ARHGEF3: variants seen among roughly 807,000 people sequenced by gnomAD.
The protein encoded by ARHGEF3 is 59.8 kDA protein.
In ARHGEF3, 28 loss-of-function variants were observed where a neutral mutation model predicts 63.2. The ratio of observed to expected loss-of-function variants is 0.44; its 90% CI spans 0.33 to 0.61. ARHGEF3 has a LOEUF of 0.61. Among genes scored for constraint, ARHGEF3 ranks in the 20% least tolerant of loss-of-function variants. The pLI, the probability that ARHGEF3 is intolerant of heterozygous loss-of-function variation, is 0.03. For missense variants in ARHGEF3, 533 were observed against 659.3 expected (o/e 0.81, Z 2.10); for synonymous variants, 266 against 254.2 (o/e 1.05, Z -0.44).
chr3:56,958,797 C>T, intron 3 of ARHGEF3: 1 of 1,542,536 alleles, frequency 6.5e-7, no homozygotes, highest in African/African-American at 1.4e-5. Flanking sequence ...CATTTAACAG[C>T]AGGGGCTACC....
At chr3:56,800,045 C>A (rs1429591668) in intron 1 of ARHGEF3, among the ~76,000 whole-genome samples, 1 of 152,110 alleles carries the variant, frequency 6.6e-6, no homozygotes, top group African/African-American at 2.4e-5. Context: ...TGATAAGTTT[C>A]ATATTTGTGA....
chr3:56,825,037 G>A (rs776627671), intron 4 of ARHGEF3, among the ~76,000 whole-genome samples: 2 of 150,924 alleles, frequency 1.3e-5, no homozygotes, highest in African/African-American at 2.5e-5. Context: ...AGCAGCCCCA[G>A]TCTGGATTCT....
At chr3:56,773,610 G>C in intron 2 of ARHGEF3, 99 bp downstream of exon 2, 2 of 1,013,856 alleles carry the variant, frequency 2.0e-6, no homozygotes, top group Non-Finnish European at 2.8e-6. Flanking sequence ...CATTGATTCA[G>C]GTCACTTTGA....
intron 2 of ARHGEF3, among the ~76,000 whole-genome samples, chr3:56,993,731 G>T (rs1287325008): frequency 1.3e-5 from 2 of 150,956 alleles, no homozygotes; most frequent in African/African-American, 2.4e-5. Context: ...TGTGGAAGGA[G>T]AAATATTCAT....
chr3:56,755,435 G>C (rs925430245), intron 2 of ARHGEF3, among the ~76,000 whole-genome samples: 1 of 152,162 alleles, frequency 6.6e-6, no homozygotes, highest in Admixed American at 6.5e-5. Context: ...ACGCATGAAG[G>C]CAGTTCTTGG....
intron 4 of ARHGEF3, among the ~76,000 whole-genome samples, chr3:56,852,194 C>G (rs557461302): frequency 6.6e-6 from 1 of 152,118 alleles, no homozygotes; most frequent in Non-Finnish European, 1.5e-5. Context: ...TGGGTCATTC[C>G]GGAAAAAATT....
chr3:56,986,731 T>G (rs1685843718), intron 2 of ARHGEF3, among the ~76,000 whole-genome samples: 1 of 148,068 alleles, frequency 6.8e-6, no homozygotes, highest in Non-Finnish European at 1.5e-5. Flanking sequence ...AGGGTAGTAG[T>G]GGGGGTAGTC....
At chr3:56,792,286 G>T (rs1008642542) in intron 1 of ARHGEF3, among the ~76,000 whole-genome samples, 3 of 152,058 alleles carry the variant, frequency 2.0e-5, no homozygotes, top group Admixed American at 6.6e-5. Flanking sequence ...GGTTTAAATT[G>T]GTTATAATGA....
At chr3:56,957,515 C>G (rs1367533092) in intron 3 of ARHGEF3, among the ~76,000 whole-genome samples, 1 of 152,196 alleles carries the variant, frequency 6.6e-6, no homozygotes, top group East Asian at 1.9e-4. Context: ...AGGCACTGTA[C>G]TAGGCCCAGA....
At chr3:57,026,802 T>C (rs1004067207) in intron 2 of ARHGEF3, among the ~76,000 whole-genome samples, 3 of 152,212 alleles carry the variant, frequency 2.0e-5, no homozygotes, top group African/African-American at 7.2e-5. Flanking sequence ...CACTTCTCGA[T>C]TGTGCACTAG....
intron 4 of ARHGEF3, among the ~76,000 whole-genome samples, chr3:56,841,478 C>G (rs1228492342): frequency 1.1e-4 from 16 of 152,144 alleles, no homozygotes. Flanking sequence ...CTTTCTCCAT[C>G]ACGGCAGTCA....
chr3:57,036,984 G>A (rs970527547), intron 1 of ARHGEF3, among the ~76,000 whole-genome samples: 12 of 152,196 alleles, frequency 7.9e-5, no homozygotes, highest in South Asian at 2.1e-4. Context: ...ACCCCAAGGC[G>A]TTAGACAGTC....
At chr3:56,945,811 A>C (rs1280773694) in intron 3 of ARHGEF3, among the ~76,000 whole-genome samples, 1 of 152,206 alleles carries the variant, frequency 6.6e-6, no homozygotes, top group Admixed American at 6.5e-5. Flanking sequence ...TGGAGATCTG[A>C]GAATGGACAG....
At chr3:56,820,361 G>A (rs1340662652) in intron 4 of ARHGEF3, among the ~76,000 whole-genome samples, 2 of 152,130 alleles carry the variant, frequency 1.3e-5, no homozygotes. Flanking sequence ...AGAAAACGGG[G>A]ATAGAGGAAA....
intron 3 of ARHGEF3, among the ~76,000 whole-genome samples, chr3:56,909,513 C>G (rs1560041768): frequency 6.6e-6 from 1 of 152,208 alleles, no homozygotes. Context: ...CAGAAGATCA[C>G]AAGCATTTAA....
intron 2 of ARHGEF3, among the ~76,000 whole-genome samples, chr3:56,971,177 G>T (rs779371240): frequency 6.6e-6 from 1 of 152,086 alleles, no homozygotes; most frequent in Non-Finnish European, 1.5e-5. Context: ...CAATACACAG[G>T]GTAGGCTTCC....
At chr3:57,074,519 T>C (rs903833786) in intron 1 of ARHGEF3, 1 of 509,320 alleles carries the variant, frequency 2.0e-6, no homozygotes, top group African/African-American at 1.9e-5. Flanking sequence ...CTCATACTCT[T>C]AGCCCCCGGG....
chr3:56,939,318 C>G (rs1004331420), intron 3 of ARHGEF3, among the ~76,000 whole-genome samples: 3 of 152,190 alleles, frequency 2.0e-5, no homozygotes, highest in African/African-American at 7.2e-5. Context: ...CAGTTCTCGA[C>G]ATCACCATCT....
Position 56,728,097 on chromosome 3 carries a change from A to T in ARHGEF3, c.*1173T>A, listed in dbSNP as rs1484020191. 1 of 152,658 alleles carries T rather than the reference A, an allele frequency of 6.6e-6. No homozygotes were observed. The highest frequency in any genetic ancestry group is 2.4e-5 in the African/African-American group (1 of 41,466). 9.5% of individuals were successfully genotyped at this position (152,658 alleles called of 1,614,324 possible). A position where few individuals can be genotyped will look rare whatever the true frequency, so the allele number is the denominator to read the frequency against. ...GCACTTTACCCTGCACTGTAAATCA[A>T]GGCTGGACAAAGAGGTTACTAATCT... On this transcript the variant is annotated 3_prime_UTR_variant, in exon 10 of 10. Transcript: ENST00000296315.
Sources: gnomAD v4.1 joint callset for allele counts (sites outside exome capture counted in the v4.1 genomes callset) on GRCh38, gnomAD v4.1.1 for gene constraint, MANE v1.5 for transcripts, NCBI Gene and HGNC (gene_info 2026-07-23, HGNC 2026-07-21) for gene names.